The following ATP2B2 variants were observed in gnomAD, a reference collection of about 807,000 sequenced individuals.
The protein encoded by ATP2B2 is ATPase plasma membrane Ca2+ transporting 2, also known as plasma membrane calcium-transporting ATPase 2.
In ATP2B2, 15 loss-of-function variants were observed where a neutral mutation model predicts 120.0. The observed-to-expected ratio is 0.12, with a 90% CI of 0.08 to 0.19. The LOEUF is 0.19. ATP2B2 is among the 10% of genes least tolerant of loss of function. The pLI is 1.00. For missense variants in ATP2B2, 1,045 were observed against 1,719.8 expected (o/e 0.61, Z 6.94); for synonymous variants, 694 against 700.3 (o/e 0.99, Z 0.14).
chr3:10,680,609 CG>C (rs1218660040), intron 1 of ATP2B2, among the ~76,000 whole-genome samples: 1 of 152,028 alleles, frequency 6.6e-6, no homozygotes, highest in Non-Finnish European at 1.5e-5. Context: ...GGCTAGGACC[CG>C]GGGGACATTA....
At chr3:10,418,882 C>T (rs949984119) in intron 2 of ATP2B2, among the ~76,000 whole-genome samples, 5 of 152,184 alleles carry the variant, frequency 3.3e-5, no homozygotes, top group Non-Finnish European at 4.4e-5. Flanking sequence ...GGAATTCAGT[C>T]GAGGGCAGAA....
At chr3:10,431,005 G>A (rs2063298316) in intron 2 of ATP2B2, among the ~76,000 whole-genome samples, 1 of 151,780 alleles carries the variant, frequency 6.6e-6, no homozygotes, top group Non-Finnish European at 1.5e-5. Flanking sequence ...AGGGATATAG[G>A]ACTGGGAATG....
Position 10,520,648 on chromosome 3 carries a change from T to C in ATP2B2, c.-320+13391A>G, listed in dbSNP as rs114487877. Among the ~76,000 whole-genome samples the C allele has an allele frequency of 3.8e-3, 581 of 152,074 alleles. 2 individuals carry two copies. Among genetic ancestry groups the C allele is most frequent in the African/African-American group, 0.013 (556 of 41,494 alleles). On this transcript the variant is annotated intron_variant, in intron 3 of 21. Coordinates refer to the ATP2B2 transcript ENST00000646379. ...CCACACCCAGCTAATTTCTGTATTT[T>C]TAGCTGGGGTTTCGCCAGGTTGGTC...
At chr3:10,337,415 C>G (rs2060147786) in intron 22 of ATP2B2, among the ~76,000 whole-genome samples, 2 of 152,172 alleles carry the variant, frequency 1.3e-5, no homozygotes, top group Admixed American at 1.3e-4. Flanking sequence ...CCTTCTGACC[C>G]TCCCCTCGCA....
intron 2 of ATP2B2, among the ~76,000 whole-genome samples, chr3:10,587,388 TTTTA>T (rs1278631304): frequency 1.3e-5 from 2 of 151,016 alleles, no homozygotes; most frequent in Non-Finnish European, 1.5e-5. Context: ...ATTAATTTAT[TTTTA>T]TTTATTTATT....
At chr3:10,524,417 G>T (rs569749720) in intron 3 of ATP2B2, among the ~76,000 whole-genome samples, 11 of 152,258 alleles carry the variant, frequency 7.2e-5, no homozygotes, top group African/African-American at 2.6e-4. Flanking sequence ...TGAGCATGCC[G>T]AGGCACAGAG....
intron 2 of ATP2B2, among the ~76,000 whole-genome samples, chr3:10,571,253 G>A (rs759158908): frequency 1.3e-5 from 2 of 152,226 alleles, no homozygotes; most frequent in African/African-American, 4.8e-5. Context: ...CCCCCAAGAT[G>A]GGCAGAAGCT....
At chr3:10,395,132 A>G (rs1262984307) in intron 5 of ATP2B2, among the ~76,000 whole-genome samples, 10 of 152,188 alleles carry the variant, frequency 6.6e-5, no homozygotes, top group Admixed American at 3.3e-4. Context: ...CAAGATGAGG[A>G]GTCTGGGCAT....
rs138012258 is a variant in ATP2B2, at chr3:10,441,981, T to C, written c.199+7364A>G. Among the ~76,000 whole-genome samples, 250 of 152,272 alleles carry C rather than the reference T, an allele frequency of 1.6e-3. 1 individual carries two copies. Among genetic ancestry groups the C allele is most frequent in the Non-Finnish European group, 2.3e-3 (157 of 68,014 alleles). ...TTCTGGGCACATAGTAGGCACTTAGTGATTAGTGCATATTGATTCTGCAAA... is the reference window on the plus strand; with the variant it reads ...TTCTGGGCACATAGTAGGCACTTAGCGATTAGTGCATATTGATTCTGCAAA... On this transcript the variant is annotated intron_variant, in intron 2 of 22. Coordinates refer to ENST00000360273, the MANE Select transcript of ATP2B2 (RefSeq NM_001001331.4).
Position 10,683,717 on chromosome 3 carries a change from C to CGT in ATP2B2, c.-460+24197_-460+24198insAC, listed in dbSNP as rs1559519950. 3.0e-4 allele frequency among the ~76,000 whole-genome samples: 25 copies of CGT among 83,290 alleles called. No homozygotes were observed. The East Asian group carries it at 7.0e-3, about 23-fold the overall frequency. 54.6% of individuals were successfully genotyped at this position (83,290 alleles called of 152,430 possible). On this transcript the variant is annotated intron_variant, in intron 1 of 21. Coordinates refer to the ATP2B2 transcript ENST00000646379. ...ATATGTATATGTATATATGTATATA[C>CGT]ATGTGTGTGTGTATATATATGTGTA...
chr3:10,509,988 G>C (rs957082857), upstream of ATP2B2, among the ~76,000 whole-genome samples: 1 of 152,212 alleles, frequency 6.6e-6, no homozygotes, highest in African/African-American at 2.4e-5. Context: ...ACTGTTATTA[G>C]TGGAAGAAAC....
chr3:10,471,604 G>A (rs1027494230), intron 1 of ATP2B2, among the ~76,000 whole-genome samples: 2 of 151,784 alleles, frequency 1.3e-5, no homozygotes, highest in African/African-American at 4.8e-5. Flanking sequence ...AGAGGGAGAG[G>A]GGAGAGAAAC....
chr3:10,441,040 C>A (rs2063647071), intron 2 of ATP2B2, among the ~76,000 whole-genome samples: 1 of 152,360 alleles, frequency 6.6e-6, no homozygotes, highest in Non-Finnish European at 1.5e-5. Flanking sequence ...ACTAGTAGCA[C>A]AGCTAGACTG....
chr3:10,471,218 G>A (rs938553078), intron 1 of ATP2B2, among the ~76,000 whole-genome samples: 1 of 152,158 alleles, frequency 6.6e-6, no homozygotes, highest in Non-Finnish European at 1.5e-5. Context: ...CTGTGAGGGT[G>A]CGGGTGAAGG....
chr3:10,386,025 C>T (rs2061667158), intron 7 of ATP2B2, among the ~76,000 whole-genome samples: 1 of 152,224 alleles, frequency 6.6e-6, no homozygotes, highest in Non-Finnish European at 1.5e-5. Context: ...TATGAGATGG[C>T]TAAATTCACA....
rs2060105113 is a variant in ATP2B2, at chr3:10,335,982, G to A, written c.3420+2194C>T. 9 of 987,210 alleles carry A rather than the reference G, an allele frequency of 9.1e-6. No individual in the cohort carries two copies. In the South Asian group the frequency reaches 1.0e-4, roughly 11 times the overall value. The allele number at this position is 987,210 out of a possible 1,614,324, so 61.2% of individuals were successfully genotyped here. A position where few individuals can be genotyped will look rare whatever the true frequency, so the allele number is the denominator to read the frequency against. On this transcript the variant is annotated intron_variant, in intron 22 of 22. Coordinates refer to ENST00000360273, the MANE Select transcript of ATP2B2 (RefSeq NM_001001331.4). Reference sequence around the variant, plus strand: ...GACTGGCTACGCTCTCCTGACCAACGGGACCCTCTTCGGTGGCTGGGACCC... The same window carrying A: ...GACTGGCTACGCTCTCCTGACCAACAGGACCCTCTTCGGTGGCTGGGACCC...
chr3:10,580,127 A>G (rs1029186868), intron 2 of ATP2B2, among the ~76,000 whole-genome samples: 1 of 152,188 alleles, frequency 6.6e-6, no homozygotes, highest in African/African-American at 2.4e-5. Context: ...ATGTATAGGC[A>G]GAGGAACTGA....
intron 1 of ATP2B2, among the ~76,000 whole-genome samples, chr3:10,654,384 C>G (rs2070553992): frequency 6.6e-6 from 1 of 152,096 alleles, no homozygotes; most frequent in East Asian, 1.9e-4. Context: ...AATATTTGCT[C>G]AATTAGTGGC....
intron 1 of ATP2B2, among the ~76,000 whole-genome samples, chr3:10,620,708 G>C (rs1353076581): frequency 1.3e-5 from 2 of 152,122 alleles, no homozygotes; most frequent in Non-Finnish European, 2.9e-5. Flanking sequence ...CTGAGGGAGG[G>C]AGCTGGGAGG....
Sources: allele counts gnomAD v4.1 joint callset (sites outside exome capture counted in the v4.1 genomes callset), GRCh38; gene constraint gnomAD v4.1.1; transcripts MANE v1.5; gene names NCBI Gene and HGNC (gene_info 2026-07-23, HGNC 2026-07-21).